The following KLHL1 variants were observed in gnomAD, a reference collection of about 807,000 sequenced individuals.
The protein encoded by KLHL1 is kelch like family member 1.
In KLHL1, 47 loss-of-function variants were observed where a neutral mutation model predicts 77.7. The observed-to-expected ratio is 0.60, with a 90% confidence interval of 0.48 to 0.77. KLHL1 has a LOEUF of 0.77. KLHL1 is among the 30% of genes least tolerant of loss of function. The pLI, the probability that KLHL1 is intolerant of heterozygous loss-of-function variation, is 0.00. For missense variants in KLHL1, 925 were observed against 910.8 expected (o/e 1.02, Z -0.20); for synonymous variants, 360 against 325.2 (o/e 1.11, Z -1.15).
intron 1 of KLHL1, among the ~76,000 whole-genome samples, chr13:70,104,503 C>T (rs1033497728): frequency 1.3e-5 from 2 of 152,098 alleles, no homozygotes; most frequent in African/African-American, 4.8e-5. Flanking sequence ...GCTAGTCATA[C>T]TTGTCTAAAG....
intron 5 of KLHL1, among the ~76,000 whole-genome samples, chr13:69,849,924 A>T (rs182509943): frequency 7.9e-5 from 12 of 151,612 alleles, no homozygotes; most frequent in African/African-American, 2.9e-4. Context: ...CACATCTCAA[A>T]TTCAATGCAT....
chr13:69,928,094 A>G (rs1882876230), intron 4 of KLHL1, among the ~76,000 whole-genome samples: 1 of 152,208 alleles, frequency 6.6e-6, no homozygotes, highest in Non-Finnish European at 1.5e-5. Flanking sequence ...CATTGTTCCT[A>G]TAGATAGAAT....
At chr13:69,709,251 C>T (rs935344690) in intron 9 of KLHL1, among the ~76,000 whole-genome samples, 21 of 151,972 alleles carry the variant, frequency 1.4e-4, no homozygotes, top group African/African-American at 5.1e-4. Flanking sequence ...AAGTACACAA[C>T]CTATGCCATC....
intron 7 of KLHL1, among the ~76,000 whole-genome samples, chr13:69,770,369 C>T (rs139805957): frequency 2.0e-4 from 30 of 152,334 alleles, no homozygotes; most frequent in South Asian, 2.1e-4. Flanking sequence ...TTGCTGGCCA[C>T]GGAGGTTTCT....
At chr13:70,045,701 T>C (rs1423342912) in intron 1 of KLHL1, among the ~76,000 whole-genome samples, 1 of 152,166 alleles carries the variant, frequency 6.6e-6, no homozygotes, top group Admixed American at 6.6e-5. Flanking sequence ...TTTAAAGAAA[T>C]ATTTTTTTCC....
chr13:69,835,377 C>T (rs1878945288), intron 6 of KLHL1, among the ~76,000 whole-genome samples: 2 of 152,056 alleles, frequency 1.3e-5, no homozygotes, highest in African/African-American at 4.8e-5. Flanking sequence ...GCTGAAGGAA[C>T]AGTGAGGTGA....
chr13:70,088,023 A>T, intron 1 of KLHL1, among the ~76,000 whole-genome samples: 1 of 152,188 alleles, frequency 6.6e-6, no homozygotes, highest in South Asian at 2.1e-4. Context: ...ACCATGGCAC[A>T]TGTTTATCTA....
At chr13:69,785,960 G>T (rs889034980) in intron 7 of KLHL1, among the ~76,000 whole-genome samples, 1 of 152,116 alleles carries the variant, frequency 6.6e-6, no homozygotes, top group African/African-American at 2.4e-5. Flanking sequence ...AAACCAGGAA[G>T]AAGTTGACTC....
chr13:69,704,249 C>T (rs1001929595), intron 10 of KLHL1, among the ~76,000 whole-genome samples: 1 of 151,590 alleles, frequency 6.6e-6, no homozygotes, highest in Non-Finnish European at 1.5e-5. Context: ...TGACACCCCT[C>T]TCCATCCAGT....
At chr13:70,054,760 G>GA (rs374003986) in intron 1 of KLHL1, among the ~76,000 whole-genome samples, 324 of 151,392 alleles carry the variant, frequency 2.1e-3, no homozygotes, top group African/African-American at 7.4e-3. Flanking sequence ...TTCTGGAGCT[G>GA]AAAAATTCAA....
chr13:69,863,606 A>T (rs1350265357), intron 5 of KLHL1, among the ~76,000 whole-genome samples: 1 of 152,088 alleles, frequency 6.6e-6, no homozygotes, highest in East Asian at 1.9e-4. Flanking sequence ...ATGATTCTTA[A>T]GAATAAATAG....
intron 6 of KLHL1, among the ~76,000 whole-genome samples, chr13:69,808,016 T>C (rs572868553): frequency 9.2e-4 from 140 of 152,166 alleles, no homozygotes; most frequent in African/African-American, 2.8e-3. Flanking sequence ...TAAGGGAGGA[T>C]AGAGTGCAGC....
At position 70,079,221 on chromosome 13, in the gene KLHL1, C is replaced by T. The variant is rs146034143; in HGVS notation, c.497+27982G>A. Among the ~76,000 whole-genome samples, 410 of 152,192 alleles carry T rather than the reference C, an allele frequency of 2.7e-3. 2 individuals carry two copies. The highest frequency in any genetic ancestry group is 8.8e-3 in the African/African-American group (364 of 41,526). On this transcript the variant is annotated intron_variant, in intron 1 of 10. Coordinates refer to ENST00000377844, the MANE Select transcript of KLHL1 (RefSeq NM_020866.3). ...TTTTCCAGATCCATGGTAGTTATAC[C>T]TGGTTGACCCTGAGACTCACCTAAG...
chr13:70,044,955 C>A (rs1886460524), intron 1 of KLHL1, among the ~76,000 whole-genome samples: 1 of 152,140 alleles, frequency 6.6e-6, no homozygotes, highest in Non-Finnish European at 1.5e-5. Context: ...TTGGGAAAGT[C>A]ATTTAACCTT....
chr13:69,915,166 C>T (rs1308118367), intron 4 of KLHL1, among the ~76,000 whole-genome samples: 1 of 152,142 alleles, frequency 6.6e-6, no homozygotes, highest in Non-Finnish European at 1.5e-5. Context: ...GGCCACACTG[C>T]CCAAAGTAAT....
At position 69,733,581 on chromosome 13, in the gene KLHL1, T is replaced by C. The variant is rs550750264; in HGVS notation, c.1802+6813A>G. 2.0e-5 allele frequency among the ~76,000 whole-genome samples: 3 copies of C among 152,270 alleles called. No homozygotes were observed. In the East Asian group the frequency reaches 5.8e-4, roughly 29 times the overall value. ...TGAAAATAAACTTCAACAGAAGATA[T>C]ACAAATGACTAATACATATATTAAA... is the stretch of plus-strand genomic sequence containing the variant. On this transcript the variant is annotated intron_variant, in intron 8 of 10. Transcript: ENST00000377844.
chr13:69,920,271 C>G (rs1401307205), intron 4 of KLHL1, among the ~76,000 whole-genome samples: 1 of 151,836 alleles, frequency 6.6e-6, no homozygotes, highest in East Asian at 1.9e-4. Flanking sequence ...TTTTGGAAAA[C>G]AGTATATGAT....
At position 69,996,476 on chromosome 13, in the gene KLHL1, T is replaced by A. The variant is rs145682111; in HGVS notation, c.498-20674A>T. ...AGATAATTGAAGCTGATACTCCAGA[T>A]GTGATATTTTTACATCAGAAAATCC... On this transcript the variant is annotated intron_variant, in intron 1 of 10. Transcript: ENST00000377844. Among the ~76,000 whole-genome samples, 1,281 of 152,210 alleles carry A rather than the reference T, an allele frequency of 8.4e-3. 13 individuals carry two copies. Among genetic ancestry groups the A allele is most frequent in the African/African-American group, 0.022 (894 of 41,552 alleles).
intron 7 of KLHL1, among the ~76,000 whole-genome samples, chr13:69,788,202 A>G (rs1269835227): frequency 6.6e-6 from 1 of 152,232 alleles, no homozygotes; most frequent in Non-Finnish European, 1.5e-5. Flanking sequence ...CTATAAAGAT[A>G]CATGCACACA....
Sources: allele counts gnomAD v4.1 joint callset (sites outside exome capture counted in the v4.1 genomes callset), GRCh38; gene constraint gnomAD v4.1.1; transcripts MANE v1.5; gene names NCBI Gene and HGNC (gene_info 2026-07-23, HGNC 2026-07-21).